Variants in SSH1 observed in about 807,000 individuals in gnomAD.
The protein encoded by SSH1 is slingshot protein phosphatase 1.
In SSH1, 43 loss-of-function variants were observed where a neutral mutation model predicts 79.7. That is an observed-to-expected ratio of 0.54 (90% CI 0.42 to 0.70). SSH1 has a LOEUF of 0.70. Ranked by LOEUF, SSH1 falls within the 30% of genes least tolerant of loss-of-function variation. SSH1 has a pLI of 0.00. For synonymous variants in SSH1, 599 were observed against 538.3 expected (o/e 1.11, Z -1.56); for missense variants, 1,206 against 1,358.8 (o/e 0.89, Z 1.77).
At chr12:108,811,510 C>T in intron 5 of SSH1, 182 bp from the exon 6 acceptor site, 3 of 665,362 alleles carry the variant, frequency 4.5e-6, no homozygotes, top group East Asian at 2.8e-5. Context: ...CCTGTGGACA[C>T]AACTCCGTAA....
chr12:108,816,167 A>T (rs2037877037), intron 5 of SSH1, among the ~76,000 whole-genome samples: 1 of 152,126 alleles, frequency 6.6e-6, no homozygotes, highest in Admixed American at 6.6e-5. Context: ...CTGTGGTCTC[A>T]CAAAACCCCA....
intron 2 of SSH1, 139 bp downstream of exon 2, chr12:108,852,499 G>C: frequency 2.0e-6 from 2 of 980,140 alleles, no homozygotes; most frequent in Non-Finnish European, 1.6e-6. Flanking sequence ...CAAAGTGCTG[G>C]AATTACAGGC....
chr12:108,801,015 G>C, intron 11 of SSH1, 89 bp from the exon 12 acceptor site: 1 of 1,337,538 alleles, frequency 7.5e-7, no homozygotes. Context: ...GAAAAGAAAA[G>C]GAAACACACA....
At chr12:108,823,124 C>T in intron 3 of SSH1, 134 bp downstream of exon 3, 1 of 814,222 alleles carries the variant, frequency 1.2e-6, no homozygotes, top group Non-Finnish European at 2.1e-6. Flanking sequence ...GAGCCTCTGC[C>T]TGCACTGGTC....
At chr12:108,818,618 G>C (rs2037995026) in intron 3 of SSH1, among the ~76,000 whole-genome samples, 1 of 152,230 alleles carries the variant, frequency 6.6e-6, no homozygotes, top group African/African-American at 2.4e-5. Flanking sequence ...GGCAAGCCTA[G>C]AGAAAAATGT....
chr12:108,807,842 A>C lies in SSH1; in HGVS notation c.537-15T>G. On this transcript the variant is annotated splice_polypyrimidine_tract_variant and intron_variant, in intron 7 of 14. Transcript: ENST00000326495. This position sits in a 1 kb window ranked among gnomAD's most constrained non-coding sequence, Gnocchi z 5.2. ...GCAGGGCAGACCTGGGGCGAGGAGA[A>C]GACAGGGTCAGGCCTGGGAAGGCAC... 6.2e-7 allele frequency: 1 copy of C among 1,613,278 alleles called. No homozygotes were observed. The highest frequency in any genetic ancestry group is 1.3e-5 in the African/African-American group (1 of 74,982).
At chr12:108,834,684 A>C (rs1467180525) in intron 2 of SSH1, among the ~76,000 whole-genome samples, 1 of 152,214 alleles carries the variant, frequency 6.6e-6, no homozygotes, top group Non-Finnish European at 1.5e-5. Flanking sequence ...TAGGAACCCA[A>C]GTTCCCTCAT....
In SSH1 at chr12:108,779,551, C is replaced by T. The variant is rs2036127547; in HGVS notation, c.*8437G>A. The stretch of plus-strand genomic sequence containing the variant: ...GATGTACCTGTAGGCAAATTACTTC[C>T]ACTCTGTGGGCCTGTTTTTTCATAA... On this transcript the variant is annotated 3_prime_UTR_variant, in exon 15 of 15. Transcript: ENST00000326495. 1 of 152,226 alleles carries T rather than the reference C, an allele frequency of 6.6e-6. No homozygotes were observed. Among genetic ancestry groups the T allele is most frequent in the Non-Finnish European group, 1.5e-5 (1 of 68,058 alleles). 9.4% of individuals were successfully genotyped at this position (152,226 alleles called of 1,614,324 possible). A position where few individuals can be genotyped will look rare whatever the true frequency, so the allele number is the denominator to read the frequency against.
intron 3 of SSH1, among the ~76,000 whole-genome samples, chr12:108,821,360 C>G (rs554188820): frequency 2.0e-5 from 3 of 151,176 alleles, no homozygotes; most frequent in South Asian, 2.1e-4. Context: ...GGCCACTGCA[C>G]GCCAGCCTGG....
rs574982774 is a variant in SSH1, at chr12:108,823,449, G to A, written c.111-88C>T. 19 of 1,042,580 alleles carry A rather than the reference G, an allele frequency of 1.8e-5. No individual in the cohort carries two copies. In the East Asian group the frequency reaches 2.1e-4, roughly 11 times the overall value. 64.6% of individuals were successfully genotyped at this position (1,042,580 alleles called of 1,614,324 possible). ...TTACTGCAGGGGAAAAAGCTTTAGC[G>A]TGGACAAATGGCATGTAAAATGCAA... On this transcript the variant is annotated intron_variant, in intron 2 of 14. Transcript: ENST00000326495.
At chr12:108,815,732 C>G (rs1332518364) in intron 5 of SSH1, among the ~76,000 whole-genome samples, 1 of 152,180 alleles carries the variant, frequency 6.6e-6, no homozygotes, top group Non-Finnish European at 1.5e-5. Context: ...GTTCTTCTAG[C>G]CCCAGGTTCC....
intron 7 of SSH1, among the ~76,000 whole-genome samples, chr12:108,808,100 G>A (rs1379393491): frequency 2.0e-5 from 3 of 152,170 alleles, no homozygotes; most frequent in Non-Finnish European, 1.5e-5. Context: ...ACCACGCCCA[G>A]CTAATTTTTC....
Position 108,787,984 on chromosome 12 carries a change from C to T in SSH1, c.*4G>A, listed in dbSNP as rs780435029. 204 of 1,613,954 alleles carry T rather than the reference C, an allele frequency of 1.3e-4. No homozygotes were observed. Among genetic ancestry groups the T allele is most frequent in the East Asian group, 3.8e-4 (17 of 44,886 alleles). On this transcript the variant is annotated 3_prime_UTR_variant, in exon 15 of 15. Transcript: ENST00000326495. ...CCGCCCAGCCTGACGCAGCAAAAGGCGGGTCAGCTTTTGCTCATCCACGAA... is the reference window on the plus strand; with the variant it reads ...CCGCCCAGCCTGACGCAGCAAAAGGTGGGTCAGCTTTTGCTCATCCACGAA...
At chr12:108,803,641 C>T (rs1157425798) in intron 10 of SSH1, among the ~76,000 whole-genome samples, 1 of 152,146 alleles carries the variant, frequency 6.6e-6, no homozygotes, top group Non-Finnish European at 1.5e-5. Context: ...CTGAACCACA[C>T]TAAAAACATA....
Position 108,788,394 on chromosome 12 carries a change from A to C in SSH1, c.2744T>G (p.Phe915Cys). The C allele has an allele frequency of 6.8e-6, 11 of 1,611,414 alleles. No homozygotes were observed. Among genetic ancestry groups the C allele is most frequent in the Non-Finnish European group, 9.3e-6 (11 of 1,179,192 alleles). The change falls in exon 15 of 15, where the codon TTT (phenylalanine) becomes TGT (cysteine). Residue 915 changes from phenylalanine to cysteine, a missense_variant. Coordinates refer to ENST00000326495, the MANE Select transcript of SSH1 (RefSeq NM_018984.4). ...GGGGGTGTAGCAGATGGTCTTCAGA[A>C]AGTCTTTTGAGAAACTACTGGTGTG... ...LDHTSSFSKD[F>C]LKTICYTPTS...
rs1284215168 is a variant in SSH1, at chr12:108,782,937, G to C, written c.*5051C>G. The C allele has an allele frequency of 6.6e-6, 1 of 152,224 alleles. No individual in the cohort carries two copies. The highest frequency in any genetic ancestry group is 2.4e-5 in the African/African-American group (1 of 41,446). 9.4% of individuals were successfully genotyped at this position (152,224 alleles called of 1,614,324 possible). A position where few individuals can be genotyped will look rare whatever the true frequency, so the allele number is the denominator to read the frequency against. On this transcript the variant is annotated 3_prime_UTR_variant, in exon 15 of 15. Transcript: ENST00000326495. ...GCTTCTGGAAAACCAAACAACTCAT[G>C]GTGTGGAGCTCCTGATTGGGGAAGG...
intron 13 of SSH1, among the ~76,000 whole-genome samples, chr12:108,797,722 T>C (rs978983698): frequency 2.0e-5 from 3 of 152,182 alleles, no homozygotes; most frequent in Non-Finnish European, 4.4e-5. Context: ...CTTCCCTTCC[T>C]ATCCCCTTTC....
intron 2 of SSH1, among the ~76,000 whole-genome samples, chr12:108,847,641 GA>G (rs1282259616): frequency 5.9e-5 from 9 of 152,246 alleles, no homozygotes; most frequent in Admixed American, 5.9e-4. Flanking sequence ...ATTTTTAGTA[GA>G]AAGGGGGTTT....
intron 4 of SSH1, among the ~76,000 whole-genome samples, chr12:108,818,047 T>A (rs1169104168): frequency 6.6e-5 from 10 of 152,024 alleles, no homozygotes; most frequent in South Asian, 2.1e-4. Flanking sequence ...AAAATTTTTT[T>A]AAAAATAAGG....
Sources: gnomAD v4.1 joint callset for allele counts (sites outside exome capture counted in the v4.1 genomes callset) on GRCh38, gnomAD v4.1.1 for gene constraint, Gnocchi (gnomAD v3.1) non-coding constraint, MANE v1.5 for transcripts, NCBI Gene and HGNC (gene_info 2026-07-23, HGNC 2026-07-21) for gene names.